Variants in FARS2 observed in about 807,000 individuals in gnomAD.
The protein encoded by FARS2 is phenylalanine--tRNA ligase, mitochondrial.
FARS2 carries 40 observed loss-of-function variants against 46.4 expected under a neutral mutation model. The ratio of observed to expected loss-of-function variants is 0.86; its 90% CI spans 0.67 to 1.12. FARS2 has a LOEUF of 1.12. Among genes scored for constraint, FARS2 ranks in the 50% most tolerant of loss-of-function variants. FARS2 has a pLI of 0.00. For missense variants in FARS2, 513 were observed against 567.9 expected (o/e 0.90, Z 0.98); for synonymous variants, 234 against 214.9 (o/e 1.09, Z -0.78).
chr6:5,462,996 C>A (rs747220572), intron 4 of FARS2, among the ~76,000 whole-genome samples: 3 of 152,240 alleles, frequency 2.0e-5, no homozygotes, highest in Non-Finnish European at 4.4e-5. Context: ...TTTTTGTAAG[C>A]CCTGCAGTCT....
At chr6:5,544,512 ACTGC>A (rs1214947870) in intron 4 of FARS2, among the ~76,000 whole-genome samples, 1 of 152,024 alleles carries the variant, frequency 6.6e-6, no homozygotes, top group Non-Finnish European at 1.5e-5. Context: ...TCCCTTTTAC[ACTGC>A]CTCAGTTTGT....
At chr6:5,594,349 CTG>C (rs1774083494) in intron 5 of FARS2, among the ~76,000 whole-genome samples, 1 of 152,146 alleles carries the variant, frequency 6.6e-6, no homozygotes. Flanking sequence ...ATTGGTTTTT[CTG>C]TGTTTTCTTT....
chr6:5,352,920 A>G (rs1581858199), intron 1 of FARS2, among the ~76,000 whole-genome samples: 1 of 152,092 alleles, frequency 6.6e-6, no homozygotes, highest in African/African-American at 2.4e-5. Flanking sequence ...TGTAGTGAAA[A>G]CCTTCAAAAT....
chr6:5,664,075 A>T (rs764202654), intron 6 of FARS2, among the ~76,000 whole-genome samples: 3 of 152,262 alleles, frequency 2.0e-5, no homozygotes, highest in Non-Finnish European at 2.9e-5. Flanking sequence ...TGAAAGTGCA[A>T]TCTGAACACA....
chr6:5,728,294 G>T (rs1311888038), intron 6 of FARS2, among the ~76,000 whole-genome samples: 2 of 151,982 alleles, frequency 1.3e-5, no homozygotes, highest in African/African-American at 4.8e-5. Context: ...TTGCTAATGT[G>T]CTTAGAAGGG....
chr6:5,771,331 C>G lies in FARS2; in HGVS notation c.1258C>G (p.His420Asp). The change falls in exon 7 of 7, where the codon CAC (histidine) becomes GAC (aspartate). Residue 420 changes from histidine to aspartate, a missense_variant. Physicochemically the swap from His to Asp is moderately conservative, Grantham distance 81. Coordinates refer to ENST00000274680, the MANE Select transcript of FARS2 (RefSeq NM_006567.5). Reference sequence around the variant, plus strand: ...CCACTGCTACCGCATCACGTACCGCCACATGGAACGGACTCTGTCCCAGAG... The same window carrying G: ...CCACTGCTACCGCATCACGTACCGCGACATGGAACGGACTCTGTCCCAGAG... ...TSHCYRITYR[H>D]MERTLSQREV... 1 of 1,614,126 alleles carries G rather than the reference C, an allele frequency of 6.2e-7. No individual in the cohort carries two copies. Among genetic ancestry groups the G allele is most frequent in the Non-Finnish European group, 8.5e-7 (1 of 1,179,968 alleles).
intron 2 of FARS2, among the ~76,000 whole-genome samples, chr6:5,374,347 T>C (rs192898767): frequency 6.4e-4 from 98 of 152,156 alleles, no homozygotes; most frequent in African/African-American, 2.4e-3. Flanking sequence ...TAAGAAGATA[T>C]CAGACAGTCA....
intron 3 of FARS2, among the ~76,000 whole-genome samples, chr6:5,409,758 T>C (rs566562147): frequency 3.9e-5 from 6 of 152,318 alleles, no homozygotes; most frequent in South Asian, 4.1e-4. Flanking sequence ...CTTTGAGCCA[T>C]GGTCATTTTT....
At chr6:5,552,739 C>G (rs1246311031) in intron 5 of FARS2, among the ~76,000 whole-genome samples, 1 of 152,176 alleles carries the variant, frequency 6.6e-6, no homozygotes, top group Non-Finnish European at 1.5e-5. Context: ...CTTTCTTTAA[C>G]CAACCTGGAT....
At chr6:5,595,131 G>A (rs1159858276) in intron 5 of FARS2, among the ~76,000 whole-genome samples, 5 of 152,184 alleles carry the variant, frequency 3.3e-5, no homozygotes, top group African/African-American at 7.2e-5. Flanking sequence ...GAGCAAAGCC[G>A]AAGGTCCTTT....
intron 1 of FARS2, among the ~76,000 whole-genome samples, chr6:5,336,522 T>A (rs1771169425): frequency 6.6e-6 from 1 of 152,156 alleles, no homozygotes; most frequent in Non-Finnish European, 1.5e-5. Flanking sequence ...TTAAAAATTA[T>A]GGGTACATAG....
chr6:5,638,100 A>T (rs1453917367), intron 6 of FARS2, among the ~76,000 whole-genome samples: 2 of 152,180 alleles, frequency 1.3e-5, no homozygotes, highest in Non-Finnish European at 2.9e-5. Context: ...CTGCCTGGGG[A>T]TGCTGTGCCT....
chr6:5,268,537 G>A (rs192942387), intron 1 of FARS2, among the ~76,000 whole-genome samples: 56 of 152,162 alleles, frequency 3.7e-4, no homozygotes, highest in Admixed American at 1.2e-3. Flanking sequence ...TATTTCTGAG[G>A]GCTCTGTTCT....
At chr6:5,434,053 A>C (rs953925250) in intron 4 of FARS2, among the ~76,000 whole-genome samples, 1 of 152,202 alleles carries the variant, frequency 6.6e-6, no homozygotes, top group African/African-American at 2.4e-5. Context: ...AGAGATTCGC[A>C]GTGATGGTAG....
chr6:5,483,758 G>C (rs991329763), intron 4 of FARS2, among the ~76,000 whole-genome samples: 2 of 152,108 alleles, frequency 1.3e-5, no homozygotes, highest in African/African-American at 4.8e-5. Context: ...GCTCAACAAA[G>C]GTAGCCCAAG....
intron 1 of FARS2, among the ~76,000 whole-genome samples, chr6:5,262,996 G>A (rs944501294): frequency 6.6e-6 from 1 of 152,200 alleles, no homozygotes; most frequent in Non-Finnish European, 1.5e-5. Flanking sequence ...TTGTGTGCCA[G>A]TGATATGAAA....
chr6:5,279,505 G>A (rs923685267), intron 1 of FARS2, among the ~76,000 whole-genome samples: 5 of 150,270 alleles, frequency 3.3e-5, no homozygotes, highest in Non-Finnish European at 7.4e-5. Context: ...GAGTGTATTC[G>A]TTTGGCTAGT....
chr6:5,257,824 CAAG>C (rs1764753409), upstream of FARS2, among the ~76,000 whole-genome samples: 1 of 152,122 alleles, frequency 6.6e-6, no homozygotes, highest in Non-Finnish European at 1.5e-5. Flanking sequence ...TTCCTGGTGC[CAAG>C]AAGGTTGGGG....
intron 4 of FARS2, among the ~76,000 whole-genome samples, chr6:5,432,371 A>G (rs1358660461): frequency 1.6e-5 from 2 of 123,858 alleles, no homozygotes; most frequent in Non-Finnish European, 3.3e-5. Context: ...ATAATATATT[A>G]TATATTTATA....
Sources: gnomAD v4.1 joint callset for allele counts (sites outside exome capture counted in the v4.1 genomes callset) on GRCh38, gnomAD v4.1.1 for gene constraint, MANE v1.5 for transcripts, NCBI Gene and HGNC (gene_info 2026-07-23, HGNC 2026-07-21) for gene names.